The following BCHE variants were observed in gnomAD, a reference collection of about 807,000 sequenced individuals.
The protein encoded by BCHE is butyrylcholinesterase.
BCHE carries 48 observed loss-of-function variants against 51.3 expected under a neutral mutation model. The observed-to-expected ratio is 0.94, with a 90% CI of 0.74 to 1.19. BCHE has a LOEUF of 1.19. BCHE is among the 50% of genes most tolerant of loss of function. BCHE has a pLI of 0.00. For missense variants in BCHE, 847 were observed against 708.2 expected (o/e 1.20, Z -2.23); for synonymous variants, 251 against 238.0 (o/e 1.05, Z -0.50).
intron 2 of BCHE, among the ~76,000 whole-genome samples, chr3:165,796,344 A>C (rs549755013): frequency 4.7e-4 from 71 of 152,302 alleles, no homozygotes; most frequent in Non-Finnish European, 8.8e-4. Flanking sequence ...ATAAAAACAC[A>C]CACAAAAATG....
At chr3:165,783,822 G>A (rs1439189592) in intron 3 of BCHE, among the ~76,000 whole-genome samples, 1 of 151,858 alleles carries the variant, frequency 6.6e-6, no homozygotes, top group Non-Finnish European at 1.5e-5. Context: ...GTATCCTTGT[G>A]GAAATCTGAA....
Position 165,827,063 on chromosome 3 carries a change from G to A in BCHE, c.1517+2454C>T, listed in dbSNP as rs139923488. Reference sequence around the variant, plus strand: ...ACAGATTTGGGACATCAAGTCTGTGGTCAGAAAGATGTGGATAGATTTCCA... The same window carrying A: ...ACAGATTTGGGACATCAAGTCTGTGATCAGAAAGATGTGGATAGATTTCCA... On this transcript the variant is annotated intron_variant, in intron 2 of 3. Coordinates refer to ENST00000264381, the MANE Select transcript of BCHE (RefSeq NM_000055.4). Among the ~76,000 whole-genome samples the A allele has an allele frequency of 2.7e-3, 416 of 152,236 alleles. 1 individual carries two copies. The highest frequency in any genetic ancestry group is 4.5e-3 in the Non-Finnish European group (309 of 68,004).
In BCHE at chr3:165,773,038, G is replaced by A. The variant is rs1408253354; in HGVS notation, c.*344C>T. On this transcript the variant is annotated 3_prime_UTR_variant, in exon 4 of 4. Coordinates refer to ENST00000264381, the MANE Select transcript of BCHE (RefSeq NM_000055.4). ...TTAAAAAAGATACCTTTTTACGAGT[G>A]GTAATGAAAATACACGTGACTAAAA... 1.1e-5 allele frequency: 2 copies of A among 186,940 alleles called. No individual in the cohort carries two copies. The highest frequency in any genetic ancestry group is 2.2e-5 in the Non-Finnish European group (2 of 90,270). The allele number at this position is 186,940 out of a possible 1,614,324, so 11.6% of individuals were successfully genotyped here.
intron 2 of BCHE, among the ~76,000 whole-genome samples, chr3:165,801,517 G>A (rs537199522): frequency 1.2e-4 from 18 of 152,092 alleles, no homozygotes; most frequent in African/African-American, 4.1e-4. Context: ...ACATCATTAT[G>A]AAATATGGAA....
At position 165,830,292 on chromosome 3, in the gene BCHE, C is replaced by T. The variant is rs1228056082; in HGVS notation, c.742G>A (p.Ala248Thr). Reference protein sequence around the residue: ...SPGSHSLFTRAILQSGSFNAP... With the variant: ...SPGSHSLFTRTILQSGSFNAP... ...TTAAAGGATCCACTTTGCAGAATGG[C>T]TCTGGTGAACAATGAATGGCTTCCA... is the stretch of plus-strand genomic sequence containing the variant. The change falls in exon 2 of 4, where the codon GCC (alanine) becomes ACC (threonine). Residue 248 changes from alanine (A) to threonine (T), a missense_variant. By Grantham distance (58) the Ala-to-Thr change is moderately conservative. Transcript: ENST00000264381. 6.2e-7 allele frequency: 1 copy of T among 1,614,020 alleles called. No homozygotes were observed. The highest frequency in any genetic ancestry group is 1.7e-5 in the Admixed American group (1 of 59,980).
rs373022811 is a variant in BCHE at position 165,829,683 on chromosome 3, G to C, written c.1351C>G (p.His451Asp). The C allele has an allele frequency of 1.9e-6, 3 of 1,613,722 alleles. No homozygotes were observed. In the African/African-American group the frequency reaches 4.0e-5, roughly 22 times the overall value. The change falls in exon 2 of 4, where the codon CAC (histidine) becomes GAC (aspartate). Residue 451 changes from histidine (H) to aspartate (D), a missense_variant. By Grantham distance (81) the His-to-Asp change is moderately conservative. Transcript: ENST00000264381. The stretch of plus-strand genomic sequence containing the variant: ...GGCCACGGAAGTTTGGAGGATCGGT[G>C]TTCAAAATAGTAGAAAAAGGCATTA... Reference protein sequence around the residue: ...GNNAFFYYFEHRSSKLPWPEW... With the variant: ...GNNAFFYYFEDRSSKLPWPEW...
At chr3:165,776,120 A>T (rs938638808) in intron 3 of BCHE, among the ~76,000 whole-genome samples, 4 of 152,008 alleles carry the variant, frequency 2.6e-5, no homozygotes, top group African/African-American at 9.6e-5. Context: ...ATAAACAAGG[A>T]TTAAACTTGA....
chr3:165,830,364 CAAAG>C lies in BCHE; in HGVS notation c.666_669del (p.Phe223GlufsTer38), dbSNP rs781221905. On this transcript the variant is annotated frameshift_variant, in exon 2 of 4. Transcript: ENST00000264381. LOFTEE classifies it high-confidence loss of function. Reference sequence around the variant, plus strand: ...ACTGAAGCTGCTCCTGCACTTTCTCCAAAGAGAGTTACACTTTTAGGATTTCCAC... The same window carrying C: ...ACTGAAGCTGCTCCTGCACTTTCTCCAGAGTTACACTTTTAGGATTTCCAC... 8.7e-6 allele frequency: 14 copies of C among 1,613,930 alleles called. No individual in the cohort carries two copies. The East Asian group carries it at 1.1e-4, about 13-fold the overall frequency.
At chr3:165,825,683 C>T (rs938416822) in intron 2 of BCHE, among the ~76,000 whole-genome samples, 1 of 151,956 alleles carries the variant, frequency 6.6e-6, no homozygotes, top group South Asian at 2.1e-4. Context: ...GGTATATCTC[C>T]TAATGCTATC....
At chr3:165,790,115 T>A (rs555280925) in intron 2 of BCHE, among the ~76,000 whole-genome samples, 1 of 152,208 alleles carries the variant, frequency 6.6e-6, no homozygotes, top group Non-Finnish European at 1.5e-5. Context: ...GTGATTGTCC[T>A]TTGTCTCTCC....
intron 2 of BCHE, among the ~76,000 whole-genome samples, chr3:165,812,074 C>T (rs538173416): frequency 3.2e-4 from 48 of 152,046 alleles, no homozygotes; most frequent in South Asian, 3.1e-3. Flanking sequence ...CAAGAACAGA[C>T]GGAGGACCAC....
chr3:165,773,263 C>A lies in BCHE; in HGVS notation c.*119G>T, dbSNP rs962954716. ...TAAAGATGTGAGGAATCAATATTATCCTTCTGGCATTTTTGTTTCAGCTAC... is the reference window on the plus strand; with the variant it reads ...TAAAGATGTGAGGAATCAATATTATACTTCTGGCATTTTTGTTTCAGCTAC... On this transcript the variant is annotated 3_prime_UTR_variant, in exon 4 of 4. Transcript: ENST00000264381. 2.1e-6 allele frequency: 2 copies of A among 937,348 alleles called. No homozygotes were observed. Among genetic ancestry groups the A allele is most frequent in the Non-Finnish European group, 1.6e-6 (1 of 622,600 alleles). The allele number at this position is 937,348 out of a possible 1,614,324, so 58.1% of individuals were successfully genotyped here.
At chr3:165,807,577 A>G (rs183133213) in intron 2 of BCHE, among the ~76,000 whole-genome samples, 285 of 151,550 alleles carry the variant, frequency 1.9e-3, no homozygotes, top group African/African-American at 6.7e-3. Context: ...TTTCAGACAG[A>G]GTCTTATTCT....
intron 2 of BCHE, among the ~76,000 whole-genome samples, chr3:165,826,453 A>G (rs1038399943): frequency 1.3e-5 from 2 of 152,124 alleles, no homozygotes; most frequent in African/African-American, 2.4e-5. Flanking sequence ...CTAATCTATA[A>G]TAAAAATAGA....
At position 165,827,981 on chromosome 3, in the gene BCHE, C is replaced by T. The variant is rs139400287; in HGVS notation, c.1517+1536G>A. On this transcript the variant is annotated intron_variant, in intron 2 of 3. Coordinates refer to ENST00000264381, the MANE Select transcript of BCHE (RefSeq NM_000055.4). ...AGCCAAATATTTGTTAAATATGATA[C>T]ATACCCATCATAGTACTTCAATGAA... 3 of 452,758 alleles carry T rather than the reference C, an allele frequency of 6.6e-6. No individual in the cohort carries two copies. In the East Asian group the frequency reaches 2.1e-4, roughly 32 times the overall value. 28.0% of individuals were successfully genotyped at this position (452,758 alleles called of 1,614,324 possible).
Position 165,830,366 on chromosome 3 carries a change from A to G in BCHE, c.668T>C (p.Phe223Ser). The G allele has an allele frequency of 6.2e-7, 1 of 1,614,006 alleles. No homozygotes were observed. Among genetic ancestry groups the G allele is most frequent in the Non-Finnish European group, 8.5e-7 (1 of 1,179,942 alleles). Residue 223 changes from phenylalanine (F) to serine (S), a missense_variant, in exon 2 of 4, where the codon TTT becomes TCT. Transcript: ENST00000264381. Reference sequence around the variant, plus strand: ...TGAAGCTGCTCCTGCACTTTCTCCAAAGAGAGTTACACTTTTAGGATTTCC... The same window carrying G: ...TGAAGCTGCTCCTGCACTTTCTCCAGAGAGAGTTACACTTTTAGGATTTCC... ...FGGNPKSVTL[F>S]GESAGAASVS... is the part of the protein sequence containing the mutation.
At chr3:165,809,147 T>G (rs938405161) in intron 2 of BCHE, among the ~76,000 whole-genome samples, 1 of 152,200 alleles carries the variant, frequency 6.6e-6, no homozygotes, top group Non-Finnish European at 1.5e-5. Context: ...TAATGTTATT[T>G]GGTATTTAGC....
intron 2 of BCHE, among the ~76,000 whole-genome samples, chr3:165,812,809 G>A (rs113954747): frequency 6.6e-6 from 1 of 151,822 alleles, no homozygotes; most frequent in East Asian, 1.9e-4. Flanking sequence ...GTGAGTATTG[G>A]AGAGGTGCTT....
intron 1 of BCHE, 33 bp from the exon 2 acceptor site, chr3:165,831,074 C>CCTT: frequency 6.5e-7 from 1 of 1,530,160 alleles, no homozygotes; most frequent in South Asian, 1.1e-5. Context: ...GTTTTATAAG[C>CCTT]CTTCTGCATA....
Sources: gnomAD v4.1 joint callset for allele counts (sites outside exome capture counted in the v4.1 genomes callset) on GRCh38, gnomAD v4.1.1 for gene constraint, MANE v1.5 for transcripts, NCBI Gene and HGNC (gene_info 2026-07-23, HGNC 2026-07-21) for gene names.